The following DLGAP2 variants were observed in gnomAD, a reference collection of about 807,000 sequenced individuals.
DLGAP2 encodes the protein DLG associated protein 2.
DLGAP2 carries 26 observed loss-of-function variants against 100.3 expected under a neutral mutation model. That is an observed-to-expected ratio of 0.26 (90% CI 0.19 to 0.36). The LOEUF (loss-of-function observed/expected upper bound fraction) is 0.36. DLGAP2 is among the 10% of genes least tolerant of loss of function. The pLI is 1.00. For synonymous variants in DLGAP2, 886 were observed against 630.1 expected (o/e 1.41, Z -6.08); for missense variants, 1,858 against 1,453.2 (o/e 1.28, Z -4.53).
chr8:1,072,045 C>G (rs118080163), intron 2 of DLGAP2, among the ~76,000 whole-genome samples: 1 of 152,120 alleles, frequency 6.6e-6, no homozygotes, highest in African/African-American at 2.4e-5. Flanking sequence ...AGACACCACT[C>G]GGATCAGGGA....
chr8:828,874 C>A (rs1377630959), intron 1 of DLGAP2, among the ~76,000 whole-genome samples: 1 of 152,160 alleles, frequency 6.6e-6, no homozygotes, highest in Non-Finnish European at 1.5e-5. Flanking sequence ...CCTGACTTCC[C>A]ACAACAATTT....
At chr8:1,067,344 T>G (rs766162618) in intron 2 of DLGAP2, among the ~76,000 whole-genome samples, 1 of 152,202 alleles carries the variant, frequency 6.6e-6, no homozygotes, top group Non-Finnish European at 1.5e-5. Context: ...GACCTGTTGG[T>G]GTTCCCGCTG....
chr8:1,701,694 T>C lies in DLGAP2; in HGVS notation c.*288T>C. ...GAGACCTGATTTCTCCTGCGTGTTC[T>C]CAGAGGACGGCGAGAAATGCCTCTG... On this transcript the variant is annotated 3_prime_UTR_variant, in exon 15 of 15. Transcript: ENST00000637795. 1 of 435,808 alleles carries C rather than the reference T, an allele frequency of 2.3e-6. No homozygotes were observed. Among genetic ancestry groups the C allele is most frequent in the Non-Finnish European group, 4.0e-6 (1 of 248,708 alleles). 27.0% of individuals were successfully genotyped at this position (435,808 alleles called of 1,614,324 possible).
chr8:829,370 G>A (rs908422274), intron 1 of DLGAP2, among the ~76,000 whole-genome samples: 24 of 152,286 alleles, frequency 1.6e-4, no homozygotes, highest in African/African-American at 4.6e-4. Context: ...CAAATGCCCC[G>A]AGGTCTCTCT....
intron 6 of DLGAP2, among the ~76,000 whole-genome samples, chr8:1,578,789 A>G (rs551784745): frequency 1.3e-5 from 2 of 152,280 alleles, no homozygotes; most frequent in Admixed American, 1.3e-4. Context: ...AAATAAAAAC[A>G]AGCAGAAATC....
intron 2 of DLGAP2, among the ~76,000 whole-genome samples, chr8:960,929 C>T (rs527373855): frequency 1.3e-5 from 2 of 152,304 alleles, no homozygotes; most frequent in East Asian, 1.9e-4. Context: ...AAGTCTGGAA[C>T]TGTCTGTATG....
At chr8:1,452,574 C>A (rs566130819) in intron 3 of DLGAP2, among the ~76,000 whole-genome samples, 25 of 152,148 alleles carry the variant, frequency 1.6e-4, no homozygotes, top group African/African-American at 4.6e-4. Flanking sequence ...GCTTAAATTG[C>A]CAGGCAAAGG....
chr8:813,103 A>G (rs1465929161), intron 1 of DLGAP2, among the ~76,000 whole-genome samples: 1 of 152,182 alleles, frequency 6.6e-6, no homozygotes, highest in Non-Finnish European at 1.5e-5. Flanking sequence ...TTTCTAAATT[A>G]TATGTTATTT....
intron 2 of DLGAP2, among the ~76,000 whole-genome samples, chr8:1,194,241 T>C (rs1797702786): frequency 1.3e-5 from 2 of 152,096 alleles, no homozygotes; most frequent in Admixed American, 6.5e-5. Flanking sequence ...GCTCAGCTGC[T>C]GGCAAGTTGG....
chr8:1,383,395 A>AAT (rs1251286866), intron 3 of DLGAP2, among the ~76,000 whole-genome samples: 1 of 152,258 alleles, frequency 6.6e-6, no homozygotes, highest in Admixed American at 6.5e-5. Flanking sequence ...GAAATGCATT[A>AAT]ATAATCTCAG....
intron 3 of DLGAP2, among the ~76,000 whole-genome samples, chr8:1,417,514 T>G (rs1796936226): frequency 6.6e-6 from 1 of 152,080 alleles, no homozygotes; most frequent in Non-Finnish European, 1.5e-5. Flanking sequence ...AGGGCAGGCA[T>G]AGTACATAGC....
intron 3 of DLGAP2, among the ~76,000 whole-genome samples, chr8:1,344,317 C>A (rs1267810441): frequency 6.6e-6 from 1 of 152,188 alleles, no homozygotes; most frequent in Non-Finnish European, 1.5e-5. Context: ...AGACAACAGC[C>A]TTCAGGGTGC....
At chr8:1,064,402 T>A (rs571092135) in intron 2 of DLGAP2, among the ~76,000 whole-genome samples, 26 of 152,284 alleles carry the variant, frequency 1.7e-4, no homozygotes, top group Non-Finnish European at 3.2e-4. Context: ...GGGTGCTGTT[T>A]GGGGATGTTG....
rs375416274 is a variant in DLGAP2, at chr8:1,549,241, C to A, written c.788C>A (p.Ala263Glu). Reference protein sequence around the residue: ...NANGTKADGRADDHHHAHHAK... With the variant: ...NANGTKADGREDDHHHAHHAK... ...AACGGCACCAAGGCGGACGGCCGGGCGGACGACCACCACCACGCCCACCAC... is the reference window on the plus strand; with the variant it reads ...AACGGCACCAAGGCGGACGGCCGGGAGGACGACCACCACCACGCCCACCAC... Residue 263 changes from alanine to glutamate, a missense_variant, in exon 5 of 15, where the codon GCG becomes GAG. Ala to Glu is a moderately radical substitution (Grantham distance 107). Coordinates refer to ENST00000637795, the MANE Select transcript of DLGAP2 (RefSeq NM_001346810.2). 1.2e-6 allele frequency: 2 copies of A among 1,606,920 alleles called. No individual in the cohort carries two copies. The highest frequency in any genetic ancestry group is 1.1e-5 in the South Asian group (1 of 90,504).
intron 2 of DLGAP2, among the ~76,000 whole-genome samples, chr8:1,159,183 C>A (rs745680147): frequency 3.9e-5 from 6 of 152,176 alleles, no homozygotes; most frequent in Non-Finnish European, 7.3e-5. Context: ...AGGTTGAGGT[C>A]TCTGCATTTA....
chr8:1,668,125 C>T (rs1178970408), intron 8 of DLGAP2, among the ~76,000 whole-genome samples: 1 of 152,198 alleles, frequency 6.6e-6, no homozygotes, highest in East Asian at 1.9e-4. Flanking sequence ...GCTGGGTTTG[C>T]TGGTATTTTT....
At position 1,202,502 on chromosome 8, in the gene DLGAP2, A is replaced by G. The variant is rs535611871; in HGVS notation, c.74-56349A>G. Among the ~76,000 whole-genome samples, 8 of 152,276 alleles carry G rather than the reference A, an allele frequency of 5.3e-5. No homozygotes were observed. In the South Asian group the frequency reaches 1.7e-3, roughly 32 times the overall value. ...CTTTCTGTAGGAAGAAGGAGATGTC[A>G]GACATACAAAAACATGTTTTAAGGA... On this transcript the variant is annotated intron_variant, in intron 2 of 14. Coordinates refer to ENST00000637795, the MANE Select transcript of DLGAP2 (RefSeq NM_001346810.2).
At chr8:1,286,964 T>A (rs1222635223) in intron 3 of DLGAP2, among the ~76,000 whole-genome samples, 1 of 152,372 alleles carries the variant, frequency 6.6e-6, no homozygotes. Flanking sequence ...TAGGCAGTTA[T>A]AAACCTTAGC....
At chr8:1,088,847 CCCA>C (rs1804070139) in intron 2 of DLGAP2, among the ~76,000 whole-genome samples, 2 of 107,226 alleles carry the variant, frequency 1.9e-5, no homozygotes, top group African/African-American at 7.4e-5. Context: ...TCTCGCTCCC[CCCA>C]CCCCACTCTC....
Sources: allele counts gnomAD v4.1 joint callset (sites outside exome capture counted in the v4.1 genomes callset), GRCh38; gene constraint gnomAD v4.1.1; transcripts MANE v1.5; gene names NCBI Gene and HGNC (gene_info 2026-07-23, HGNC 2026-07-21).